The following JAM3 variants were observed in gnomAD, a reference collection of about 807,000 sequenced individuals.
JAM3 encodes the protein junctional adhesion molecule C.
Under a neutral mutation model 39.4 loss-of-function variants are expected in JAM3, and 31 were observed. The observed-to-expected ratio is 0.79, with a 90% CI of 0.59 to 1.06. The LOEUF (loss-of-function observed/expected upper bound fraction) is 1.06, where lower values mean the gene tolerates loss of function less well. JAM3 is among the 50% of genes least tolerant of loss of function. The pLI, the probability that JAM3 is intolerant of heterozygous loss-of-function variation, is 0.00. For synonymous variants in JAM3, 182 were observed against 148.7 expected (o/e 1.22, Z -1.63); for missense variants, 455 against 391.4 (o/e 1.16, Z -1.37).
chr11:134,146,135 T>C, intron 6 of JAM3, 90 bp downstream of exon 6: 1 of 906,022 alleles, frequency 1.1e-6, no homozygotes, highest in Non-Finnish European at 1.8e-6. Context: ...CTTAGAGAAC[T>C]CTTCCGCCAT....
Position 134,069,147 on chromosome 11 carries a change from C to T in JAM3, c.64C>T (p.Leu22=), listed in dbSNP as rs374142397. ...CARLPDFFLL[L]LFRGCLIGAV... is the part of the protein sequence containing the mutation. Reference sequence around the variant, plus strand: ...TCGGCTGCCTGACTTCTTCCTGCTGCTGCTTTTCAGGGGTGAGTTTGCGCG... The same window carrying T: ...TCGGCTGCCTGACTTCTTCCTGCTGTTGCTTTTCAGGGGTGAGTTTGCGCG... Residue 22 remains leucine, a synonymous_variant, in exon 1 of 9, where the codon CTG becomes TTG. Coordinates refer to ENST00000299106, the MANE Select transcript of JAM3 (RefSeq NM_032801.5). The T allele has an allele frequency of 6.2e-7, 1 of 1,612,976 alleles. No homozygotes were observed. Among genetic ancestry groups the T allele is most frequent in the Non-Finnish European group, 8.5e-7 (1 of 1,179,412 alleles).
At chr11:134,135,780 G>A (rs1024215488) in intron 1 of JAM3, among the ~76,000 whole-genome samples, 1 of 152,064 alleles carries the variant, frequency 6.6e-6, no homozygotes, top group Non-Finnish European at 1.5e-5. Context: ...AATAAAAGCT[G>A]TTGAATGGCC....
intron 1 of JAM3, among the ~76,000 whole-genome samples, chr11:134,111,291 G>A (rs1400945009): frequency 6.6e-6 from 1 of 151,644 alleles, no homozygotes; most frequent in Non-Finnish European, 1.5e-5. Flanking sequence ...CTACAGGCCC[G>A]CCACCACGCC....
chr11:134,129,071 C>T (rs1353651433), intron 1 of JAM3, among the ~76,000 whole-genome samples: 1 of 151,732 alleles, frequency 6.6e-6, no homozygotes, highest in East Asian at 1.9e-4. Context: ...TTGCTGTGTC[C>T]TCATATTATC....
chr11:134,088,661 T>C (rs1292051238), intron 1 of JAM3, among the ~76,000 whole-genome samples: 1 of 152,206 alleles, frequency 6.6e-6, no homozygotes, highest in Non-Finnish European at 1.5e-5. Flanking sequence ...TAGAACAATA[T>C]ATAAATAACA....
chr11:134,124,206 G>T, intron 1 of JAM3: 3 of 1,411,914 alleles, frequency 2.1e-6, no homozygotes, highest in Non-Finnish European at 3.0e-6. Context: ...TCGAACCAAA[G>T]TCATCACTCC....
At chr11:134,131,476 TATA>T (rs1327176341) in intron 1 of JAM3, among the ~76,000 whole-genome samples, 3 of 151,976 alleles carry the variant, frequency 2.0e-5, no homozygotes, top group African/African-American at 4.8e-5. Flanking sequence ...TTAACCGTAT[TATA>T]ATAATCAAAT....
At chr11:134,102,585 G>T (rs1050912563) in intron 1 of JAM3, among the ~76,000 whole-genome samples, 1 of 152,088 alleles carries the variant, frequency 6.6e-6, no homozygotes, top group East Asian at 1.9e-4. Flanking sequence ...GAGGAAGTTC[G>T]AACCCATCGC....
intron 3 of JAM3, among the ~76,000 whole-genome samples, chr11:134,143,444 G>A (rs945188542): frequency 6.6e-6 from 1 of 152,166 alleles, no homozygotes; most frequent in Non-Finnish European, 1.5e-5. Flanking sequence ...GTGTTGCACA[G>A]GCTGGACATG....
chr11:134,105,942 C>T (rs954885784), intron 1 of JAM3, among the ~76,000 whole-genome samples: 4 of 152,148 alleles, frequency 2.6e-5, no homozygotes, highest in African/African-American at 7.2e-5. Context: ...TTTATAGATT[C>T]AATGCCATCC....
intron 1 of JAM3, among the ~76,000 whole-genome samples, chr11:134,108,349 C>G (rs1281266363): frequency 6.6e-6 from 1 of 151,150 alleles, no homozygotes; most frequent in Admixed American, 6.6e-5. Context: ...TGAATTCTAC[C>G]AAACATTTAA....
chr11:134,079,908 C>G (rs1591769309), intron 1 of JAM3, among the ~76,000 whole-genome samples: 1 of 152,168 alleles, frequency 6.6e-6, no homozygotes, highest in South Asian at 2.1e-4. Context: ...GCCAGGTAAA[C>G]TTGGTTTGAA....
chr11:134,074,738 C>G, intron 1 of JAM3, among the ~76,000 whole-genome samples: 1 of 152,036 alleles, frequency 6.6e-6, no homozygotes, highest in East Asian at 1.9e-4. Context: ...CTGTGGCAGC[C>G]CCTGGAAGAT....
intron 1 of JAM3, among the ~76,000 whole-genome samples, chr11:134,133,842 G>A (rs1031865352): frequency 6.6e-6 from 1 of 152,156 alleles, no homozygotes; most frequent in Non-Finnish European, 1.5e-5. Context: ...GGGTAATCAT[G>A]TCTGGCTTTC....
chr11:134,131,573 A>T (rs1401426782), intron 1 of JAM3, among the ~76,000 whole-genome samples: 1 of 152,212 alleles, frequency 6.6e-6, no homozygotes, highest in Non-Finnish European at 1.5e-5. Context: ...GCTCATTTAA[A>T]GGAACTAAAG....
intron 1 of JAM3, among the ~76,000 whole-genome samples, chr11:134,137,127 A>G (rs940455492): frequency 1.0e-5 from 1 of 99,288 alleles, no homozygotes; most frequent in South Asian, 2.4e-4. Context: ...AAAAAAAAAA[A>G]GAAGAAGAAG....
chr11:134,124,406 C>T, intron 1 of JAM3: 1 of 591,294 alleles, frequency 1.7e-6, no homozygotes, highest in South Asian at 2.1e-5. Context: ...AAATGTTTCA[C>T]AGCAGAAAAC....
In JAM3 at chr11:134,083,308, C is replaced by G. The variant is rs146075470; in HGVS notation, c.76+14149C>G. Among the ~76,000 whole-genome samples the G allele has an allele frequency of 6.4e-4, 96 of 150,776 alleles. 1 individual carries two copies. Among genetic ancestry groups the G allele is most frequent in the South Asian group, 4.6e-3 (22 of 4,808 alleles). On this transcript the variant is annotated intron_variant, in intron 1 of 8. Transcript: ENST00000299106. ...TCGCTCCCTCCCTTTCCCTATTTCTCCCTCACTCTTTCTCTCTCCAACACA... is the reference window on the plus strand; with the variant it reads ...TCGCTCCCTCCCTTTCCCTATTTCTGCCTCACTCTTTCTCTCTCCAACACA...
intron 2 of JAM3, 102 bp from the exon 3 acceptor site, chr11:134,140,555 G>T (rs4937868): frequency 2.2e-6 from 2 of 926,764 alleles, no homozygotes; most frequent in East Asian, 2.4e-5. Flanking sequence ...TTTTTAATCT[G>T]CATGAAAGGC....
Sources: allele counts gnomAD v4.1 joint callset (sites outside exome capture counted in the v4.1 genomes callset), GRCh38; gene constraint gnomAD v4.1.1; transcripts MANE v1.5; gene names NCBI Gene and HGNC (gene_info 2026-07-23, HGNC 2026-07-21).